The following RNF225 variants were observed in gnomAD, a reference collection of about 807,000 sequenced individuals.
RNF225 encodes the protein ring finger protein 225.
For synonymous variants in RNF225, 295 were observed against 260.4 expected, an observed-to-expected ratio of 1.13 and a Z score of -1.28; for missense variants, 510 against 509.8, an observed-to-expected ratio of 1.00 and a Z score of 0.00.
chr19:58,396,653 C>G lies in RNF225; in HGVS notation c.564C>G (p.Arg188=). The G allele has an allele frequency of 7.0e-7, 1 of 1,431,730 alleles. No individual in the cohort carries two copies. Among genetic ancestry groups the G allele is most frequent in the Non-Finnish European group, 9.1e-7 (1 of 1,099,508 alleles). 88.7% of individuals were successfully genotyped at this position (1,431,730 alleles called of 1,614,324 possible). Residue 188 remains arginine (R), a synonymous_variant, in exon 1 of 1, where the codon CGC becomes CGG. Transcript: ENST00000601382. Reference sequence around the variant, plus strand: ...GCCTGGGCCGCCCGCTGTCGCGCCGCTTGTCGCTGGCCAGCCCGGCCTGGG... The same window carrying G: ...GCCTGGGCCGCCCGCTGTCGCGCCGGTTGTCGCTGGCCAGCCCGGCCTGGG... ...PLRLGRPLSR[R]LSLASPAWVF...
chr19:58,395,975 C>G lies in RNF225; in HGVS notation c.-115C>G, dbSNP rs547292576. On this transcript the variant is annotated 5_prime_UTR_variant, in exon 1 of 1. In the 5' UTR this introduces an upstream ATG that the reference lacks. Transcript: ENST00000601382. ...GATGGGGTGCTCTGTACTGGGGGAT[C>G]CTCTCTAAAGTACAGTCCCCAGTCT... is the stretch of plus-strand genomic sequence containing the variant. 1.5e-4 allele frequency: 165 copies of G among 1,066,840 alleles called. No homozygotes were observed. The highest frequency in any genetic ancestry group is 1.9e-4 in the Non-Finnish European group (146 of 765,616). 66.1% of individuals were successfully genotyped at this position (1,066,840 alleles called of 1,614,324 possible). A position where few individuals can be genotyped will look rare whatever the true frequency, so the allele number is the denominator to read the frequency against.
In RNF225 at chr19:58,396,569, G is replaced by A. The variant is rs1443904869; in HGVS notation, c.480G>A (p.Pro160=). 2 of 1,077,762 alleles carry A rather than the reference G, an allele frequency of 1.9e-6. No homozygotes were observed. Among genetic ancestry groups the A allele is most frequent in the Non-Finnish European group, 2.2e-6 (2 of 891,994 alleles). The allele number at this position is 1,077,762 out of a possible 1,614,324, so 66.8% of individuals were successfully genotyped here. Residue 160 remains proline, a synonymous_variant, in exon 1 of 1, where the codon CCG becomes CCA. Coordinates refer to ENST00000601382, the MANE Select transcript of RNF225 (RefSeq NM_001195135.2). ...DRRRGLLYLR[P]PPPPPGPRKA... ...GCCGCGGCCTTCTCTACCTGCGGCCGCCGCCGCCCCCGCCCGGGCCGCGCA... is the reference window on the plus strand; with the variant it reads ...GCCGCGGCCTTCTCTACCTGCGGCCACCGCCGCCCCCGCCCGGGCCGCGCA...
Position 58,396,731 on chromosome 19 carries a change from C to T in RNF225, c.642C>T (p.Val214=). ...LAVLVAAGLV[V]SGVYIFFLIP... Reference sequence around the variant, plus strand: ...TGCTGGTGGCCGCGGGCCTCGTGGTCTCGGGCGTCTACATCTTCTTCCTCA... The same window carrying T: ...TGCTGGTGGCCGCGGGCCTCGTGGTTTCGGGCGTCTACATCTTCTTCCTCA... Residue 214 remains valine, a synonymous_variant, in exon 1 of 1, where the codon GTC becomes GTT. Transcript: ENST00000601382. The T allele has an allele frequency of 2.0e-6, 3 of 1,506,348 alleles. No individual in the cohort carries two copies. Among genetic ancestry groups the T allele is most frequent in the Non-Finnish European group, 2.6e-6 (3 of 1,134,916 alleles). 93.3% of individuals were successfully genotyped at this position (1,506,348 alleles called of 1,614,324 possible).
In RNF225 at chr19:58,396,299, C is replaced by T. The variant is rs1225641565; in HGVS notation, c.210C>T (p.Ser70=). The T allele has an allele frequency of 6.5e-7, 1 of 1,535,894 alleles. No homozygotes were observed. Among genetic ancestry groups the T allele is most frequent in the Non-Finnish European group, 8.7e-7 (1 of 1,146,828 alleles). Residue 70 remains serine (S), a synonymous_variant, in exon 1 of 1, where the codon TCC becomes TCT. Coordinates refer to ENST00000601382, the MANE Select transcript of RNF225 (RefSeq NM_001195135.2). The part of the protein sequence containing the change: ...SPVECLICVS[S]FDGVFKLPKR... ...TGGAGTGCCTCATCTGCGTGTCGTCCTTCGACGGCGTGTTCAAGCTGCCCA... is the reference window on the plus strand; with the variant it reads ...TGGAGTGCCTCATCTGCGTGTCGTCTTTCGACGGCGTGTTCAAGCTGCCCA...
In RNF225 at chr19:58,396,368, G is replaced by A; in HGVS notation, c.279G>A (p.Ala93=). ...ACGTCTTCTGTCTCGAGTGCCTGGC[G>A]CGCCTATCGTTGGCCACGGCGGGCG... ...CGHVFCLECL[A]RLSLATAGGG... is the part of the protein sequence containing the mutation. Residue 93 remains alanine (A), a synonymous_variant, in exon 1 of 1, where the codon GCG becomes GCA. Transcript: ENST00000601382. 1.3e-6 allele frequency: 2 copies of A among 1,535,150 alleles called. No individual in the cohort carries two copies. The highest frequency in any genetic ancestry group is 1.7e-4 in the Middle Eastern group (1 of 5,968).
At position 58,396,490 on chromosome 19, in the gene RNF225, C is replaced by A; in HGVS notation, c.401C>A (p.Pro134His). ...TTGCCCACGCAGTCCGGTCTCCTGCCCCGCGACGCGCGCGCACCGCCCTCT... is the reference window on the plus strand; with the variant it reads ...TTGCCCACGCAGTCCGGTCTCCTGCACCGCGACGCGCGCGCACCGCCCTCT... ...PALPTQSGLL[P>H]RDARAPPSRQ... The change falls in exon 1 of 1, where the codon CCC (proline) becomes CAC (histidine). Residue 134 changes from proline to histidine, a missense_variant. Transcript: ENST00000601382. 3 of 1,331,022 alleles carry A rather than the reference C, an allele frequency of 2.3e-6. No homozygotes were observed. The highest frequency in any genetic ancestry group is 3.9e-5 in the South Asian group (2 of 51,066). 82.5% of individuals were successfully genotyped at this position (1,331,022 alleles called of 1,614,324 possible).
chr19:58,397,027 C>T lies in RNF225; in HGVS notation c.938C>T (p.Pro313Leu). The T allele has an allele frequency of 1.3e-6, 2 of 1,531,704 alleles. No homozygotes were observed. Among genetic ancestry groups the T allele is most frequent in the Non-Finnish European group, 8.7e-7 (1 of 1,145,264 alleles). 94.9% of individuals were successfully genotyped at this position (1,531,704 alleles called of 1,614,324 possible). Reference protein sequence around the residue: ...SDGTWGTEAGPGWAPWPRGAR... With the variant: ...SDGTWGTEAGLGWAPWPRGAR... ...GGCACGTGGGGCACAGAGGCTGGCC[C>T]CGGCTGGGCCCCGTGGCCACGGGGC... Residue 313 changes from proline (P) to leucine (L), a missense_variant, in exon 1 of 1, where the codon CCC becomes CTC. Coordinates refer to ENST00000601382, the MANE Select transcript of RNF225 (RefSeq NM_001195135.2).
At position 58,397,002 on chromosome 19, in the gene RNF225, G is replaced by A; in HGVS notation, c.913G>A (p.Gly305Ser). Residue 305 changes from glycine to serine, a missense_variant, in exon 1 of 1, where the codon GGC becomes AGC. Coordinates refer to ENST00000601382, the MANE Select transcript of RNF225 (RefSeq NM_001195135.2). The stretch of plus-strand genomic sequence containing the variant: ...GAGGACGCTGGACAGGCGATCGGAT[G>A]GCACGTGGGGCACAGAGGCTGGCCC... The part of the protein sequence containing the change: ...AERTLDRRSD[G>S]TWGTEAGPGW... 6.5e-7 allele frequency: 1 copy of A among 1,534,026 alleles called. No individual in the cohort carries two copies. The highest frequency in any genetic ancestry group is 2.0e-5 in the Admixed American group (1 of 50,946).
At position 58,396,002 on chromosome 19, in the gene RNF225, C is replaced by T. The variant is rs1599936518; in HGVS notation, c.-88C>T. 1.5e-6 allele frequency: 2 copies of T among 1,301,332 alleles called. No homozygotes were observed. The highest frequency in any genetic ancestry group is 2.1e-6 in the Non-Finnish European group (2 of 975,408). 80.6% of individuals were successfully genotyped at this position (1,301,332 alleles called of 1,614,324 possible). A position where few individuals can be genotyped will look rare whatever the true frequency, so the allele number is the denominator to read the frequency against. ...TCTCTAAAGTACAGTCCCCAGTCTT[C>T]CCTGGATTCCCTGCTGGTCTCAGAA... On this transcript the variant is annotated 5_prime_UTR_variant, in exon 1 of 1. Coordinates refer to ENST00000601382, the MANE Select transcript of RNF225 (RefSeq NM_001195135.2).
rs2052404103 is a variant in RNF225, at chr19:58,396,876, A to G, written c.787A>G (p.Thr263Ala). 6.6e-7 allele frequency: 1 copy of G among 1,526,218 alleles called. No individual in the cohort carries two copies. The highest frequency in any genetic ancestry group is 1.4e-5 in the African/African-American group (1 of 70,766). 94.5% of individuals were successfully genotyped at this position (1,526,218 alleles called of 1,614,324 possible). A position where few individuals can be genotyped will look rare whatever the true frequency, so the allele number is the denominator to read the frequency against. Reference protein sequence around the residue: ...PPGSPWAPAWTPRPTGPDLDT... With the variant: ...PPGSPWAPAWAPRPTGPDLDT... ...GGGGTCGCCCTGGGCCCCCGCCTGGACGCCGCGCCCCACGGGCCCTGACCT... is the reference window on the plus strand; with the variant it reads ...GGGGTCGCCCTGGGCCCCCGCCTGGGCGCCGCGCCCCACGGGCCCTGACCT... The change falls in exon 1 of 1, where the codon ACG (threonine) becomes GCG (alanine). Residue 263 changes from threonine (T) to alanine (A), a missense_variant. Coordinates refer to ENST00000601382, the MANE Select transcript of RNF225 (RefSeq NM_001195135.2).
rs1394109113 is a variant in RNF225 at position 58,396,479 on chromosome 19, C to G, written c.390C>G (p.Ser130=). The change falls in exon 1 of 1, where the codon TCC becomes TCG. Residue 130 remains serine (S), a synonymous_variant. Coordinates refer to ENST00000601382, the MANE Select transcript of RNF225 (RefSeq NM_001195135.2). ...RRGLPALPTQ[S]GLLPRDARAP... is the part of the protein sequence containing the mutation. ...GACTCCCCGCGTTGCCCACGCAGTCCGGTCTCCTGCCCCGCGACGCGCGCG... is the reference window on the plus strand; with the variant it reads ...GACTCCCCGCGTTGCCCACGCAGTCGGGTCTCCTGCCCCGCGACGCGCGCG... 7 of 1,400,816 alleles carry G rather than the reference C, an allele frequency of 5.0e-6. No homozygotes were observed. The highest frequency in any genetic ancestry group is 6.5e-6 in the Non-Finnish European group (7 of 1,083,724). 86.8% of individuals were successfully genotyped at this position (1,400,816 alleles called of 1,614,324 possible).
At position 58,396,005 on chromosome 19, in the gene RNF225, T is replaced by G. The variant is rs769178643; in HGVS notation, c.-85T>G. ...CTAAAGTACAGTCCCCAGTCTTCCC[T>G]GGATTCCCTGCTGGTCTCAGAACCC... On this transcript the variant is annotated 5_prime_UTR_variant, in exon 1 of 1. Coordinates refer to ENST00000601382, the MANE Select transcript of RNF225 (RefSeq NM_001195135.2). The G allele has an allele frequency of 3.4e-5, 45 of 1,329,584 alleles. No individual in the cohort carries two copies. The highest frequency in any genetic ancestry group is 4.4e-5 in the Non-Finnish European group (44 of 1,001,124). The allele number at this position is 1,329,584 out of a possible 1,614,324, so 82.4% of individuals were successfully genotyped here. A position where few individuals can be genotyped will look rare whatever the true frequency, so the allele number is the denominator to read the frequency against.
Position 58,396,410 on chromosome 19 carries a change from C to A in RNF225, c.321C>A (p.Ala107=), listed in dbSNP as rs1388850318. 2 of 1,528,624 alleles carry A rather than the reference C, an allele frequency of 1.3e-6. No individual in the cohort carries two copies. Among genetic ancestry groups the A allele is most frequent in the East Asian group, 5.0e-5 (2 of 40,178 alleles). The allele number at this position is 1,528,624 out of a possible 1,614,324, so 94.7% of individuals were successfully genotyped here. A position where few individuals can be genotyped will look rare whatever the true frequency, so the allele number is the denominator to read the frequency against. Residue 107 remains alanine (A), a synonymous_variant, in exon 1 of 1, where the codon GCC becomes GCA. Transcript: ENST00000601382. ...LATAGGGNAV[A]CPVCRAPTRL... is the part of the protein sequence containing the mutation. Reference sequence around the variant, plus strand: ...CGGCGGGCGGCGGCAACGCGGTGGCCTGTCCGGTGTGCCGCGCGCCCACGC... The same window carrying A: ...CGGCGGGCGGCGGCAACGCGGTGGCATGTCCGGTGTGCCGCGCGCCCACGC...
At position 58,395,712 on chromosome 19, in the gene RNF225, G is replaced by A. The variant is rs562626872; in HGVS notation, c.-378G>A. Among the ~76,000 whole-genome samples, 11 of 148,472 alleles carry A rather than the reference G, an allele frequency of 7.4e-5. No homozygotes were observed. The highest frequency in any genetic ancestry group is 1.2e-4 in the Non-Finnish European group (8 of 67,960). On this transcript the variant is annotated 5_prime_UTR_variant, in exon 1 of 1. Coordinates refer to ENST00000601382, the MANE Select transcript of RNF225 (RefSeq NM_001195135.2). ...AGGAGGCTTCCACAGGTAGGAAGGC[G>A]CCCACAGGCTGGCTGCGGTCTGTCA...
rs1282461196 is a variant in RNF225 at position 58,397,040 on chromosome 19, G to A, written c.951G>A (p.Pro317=). 3.3e-6 allele frequency: 5 copies of A among 1,529,494 alleles called. No individual in the cohort carries two copies. Among genetic ancestry groups the A allele is most frequent in the Non-Finnish European group, 3.5e-6 (4 of 1,144,618 alleles). 94.7% of individuals were successfully genotyped at this position (1,529,494 alleles called of 1,614,324 possible). The part of the protein sequence containing the change: ...WGTEAGPGWA[P]WPRGARRLWG... ...CAGAGGCTGGCCCCGGCTGGGCCCC[G>A]TGGCCACGGGGCGCGAGGAGGCTGT... The change falls in exon 1 of 1, where the codon CCG becomes CCA. Residue 317 remains proline (P), a synonymous_variant. Coordinates refer to ENST00000601382, the MANE Select transcript of RNF225 (RefSeq NM_001195135.2).
rs2052396523 is a variant in RNF225, at chr19:58,396,137, G to A, written c.48G>A (p.Gln16=). 6.5e-7 allele frequency: 1 copy of A among 1,533,010 alleles called. No homozygotes were observed. The highest frequency in any genetic ancestry group is 1.2e-5 in the South Asian group (1 of 83,812). 95.0% of individuals were successfully genotyped at this position (1,533,010 alleles called of 1,614,324 possible). A position where few individuals can be genotyped will look rare whatever the true frequency, so the allele number is the denominator to read the frequency against. The change falls in exon 1 of 1, where the codon CAG becomes CAA. Residue 16 remains glutamine, a synonymous_variant. Transcript: ENST00000601382. ...PFWLRHSRAP[Q]GSGPSSPGSL... ...GGCTCCGCCATTCCCGGGCCCCCCAGGGCTCGGGTCCCAGCTCCCCAGGCT... is the reference window on the plus strand; with the variant it reads ...GGCTCCGCCATTCCCGGGCCCCCCAAGGCTCGGGTCCCAGCTCCCCAGGCT...
At position 58,396,259 on chromosome 19, in the gene RNF225, C is replaced by A. The variant is rs1005497722; in HGVS notation, c.170C>A (p.Pro57His). ...DGSPGSGPIL[P>H]PASPVECLIC... ...AGCCCAGGCTCCGGCCCTATCCTGC[C>A]CCCCGCCTCCCCGGTGGAGTGCCTC... The change falls in exon 1 of 1, where the codon CCC (proline) becomes CAC (histidine). Residue 57 changes from proline to histidine, a missense_variant. Coordinates refer to ENST00000601382, the MANE Select transcript of RNF225 (RefSeq NM_001195135.2). The A allele has an allele frequency of 6.5e-7, 1 of 1,536,532 alleles. No homozygotes were observed. The highest frequency in any genetic ancestry group is 8.7e-7 in the Non-Finnish European group (1 of 1,147,236).
Position 58,396,383 on chromosome 19 carries a change from C to T in RNF225, c.294C>T (p.Ala98=), listed in dbSNP as rs2052399055. ...AGTGCCTGGCGCGCCTATCGTTGGCCACGGCGGGCGGCGGCAACGCGGTGG... is the reference window on the plus strand; with the variant it reads ...AGTGCCTGGCGCGCCTATCGTTGGCTACGGCGGGCGGCGGCAACGCGGTGG... The part of the protein sequence containing the change: ...CLECLARLSL[A]TAGGGNAVAC... The change falls in exon 1 of 1, where the codon GCC becomes GCT. Residue 98 remains alanine, a synonymous_variant. Coordinates refer to ENST00000601382, the MANE Select transcript of RNF225 (RefSeq NM_001195135.2). The T allele has an allele frequency of 3.3e-6, 5 of 1,534,534 alleles. No homozygotes were observed. The highest frequency in any genetic ancestry group is 3.5e-6 in the Non-Finnish European group (4 of 1,146,354).
In RNF225 at chr19:58,396,644, G is replaced by C; in HGVS notation, c.555G>C (p.Leu185=). 7.0e-7 allele frequency: 1 copy of C among 1,419,160 alleles called. No individual in the cohort carries two copies. Among genetic ancestry groups the C allele is most frequent in the South Asian group, 1.4e-5 (1 of 70,866 alleles). The allele number at this position is 1,419,160 out of a possible 1,614,324, so 87.9% of individuals were successfully genotyped here. A position where few individuals can be genotyped will look rare whatever the true frequency, so the allele number is the denominator to read the frequency against. The stretch of plus-strand genomic sequence containing the variant: ...CGCCTCTGCGCCTGGGCCGCCCGCT[G>C]TCGCGCCGCTTGTCGCTGGCCAGCC... The part of the protein sequence containing the change: ...PPPPLRLGRP[L]SRRLSLASPA... The change falls in exon 1 of 1, where the codon CTG becomes CTC. Residue 185 remains leucine (L), a synonymous_variant. Coordinates refer to ENST00000601382, the MANE Select transcript of RNF225 (RefSeq NM_001195135.2).
Sources: gnomAD v4.1 joint callset for allele counts (sites outside exome capture counted in the v4.1 genomes callset) on GRCh38, gnomAD v4.1.1 for gene constraint, MANE v1.5 for transcripts, NCBI Gene and HGNC (gene_info 2026-07-23, HGNC 2026-07-21) for gene names.